Variants in CSRNP3 observed in about 807,000 individuals in gnomAD.
CSRNP3 encodes the protein cysteine and serine rich nuclear protein 3, also known as cysteine/serine-rich nuclear protein 3.
A neutral mutation model predicts 48.0 loss-of-function variants in CSRNP3; 12 were observed. The ratio of observed to expected loss-of-function variants is 0.25; its 90% CI spans 0.16 to 0.41. The LOEUF is 0.41. CSRNP3 is among the 10% of genes least tolerant of loss of function. CSRNP3 has a pLI of 1.00. For synonymous variants in CSRNP3, 263 were observed against 269.7 expected, an observed-to-expected ratio of 0.98 and a Z score of 0.24; for missense variants, 580 against 724.4, an observed-to-expected ratio of 0.80 and a Z score of 2.29.
intron 4 of CSRNP3, among the ~76,000 whole-genome samples, chr2:165,621,245 C>T (rs1206162507): frequency 1.3e-5 from 2 of 151,220 alleles, no homozygotes; most frequent in African/African-American, 4.9e-5. Context: ...TTTCTGCAGG[C>T]GTCCTACCAA....
At chr2:165,553,666 C>G (rs1294849623) in intron 3 of CSRNP3, among the ~76,000 whole-genome samples, 1 of 152,130 alleles carries the variant, frequency 6.6e-6, no homozygotes, top group Non-Finnish European at 1.5e-5. Context: ...CAGAATAGAA[C>G]TTCCATAGGC....
intron 4 of CSRNP3, among the ~76,000 whole-genome samples, chr2:165,653,253 TGTA>T (rs1407340769): frequency 6.6e-6 from 1 of 152,222 alleles, no homozygotes; most frequent in Non-Finnish European, 1.5e-5. Flanking sequence ...AGGCTGATCT[TGTA>T]GTATTTTGAA....
At chr2:165,553,125 C>T (rs1462352669) in intron 3 of CSRNP3, among the ~76,000 whole-genome samples, 3 of 152,028 alleles carry the variant, frequency 2.0e-5, no homozygotes, top group South Asian at 2.1e-4. Context: ...ATTTTTATGA[C>T]CAGTAACTGT....
At chr2:165,504,116 T>G (rs771655179) in intron 2 of CSRNP3, among the ~76,000 whole-genome samples, 18 of 152,160 alleles carry the variant, frequency 1.2e-4, no homozygotes, top group Non-Finnish European at 2.7e-4. Context: ...CTAATTAATC[T>G]GGCAATGTAT....
At chr2:165,645,692 G>T (rs1446140322) in intron 4 of CSRNP3, among the ~76,000 whole-genome samples, 1 of 152,060 alleles carries the variant, frequency 6.6e-6, no homozygotes, top group Non-Finnish European at 1.5e-5. Flanking sequence ...TCTCTTAGCT[G>T]CCCTTATGAC....
intron 3 of CSRNP3, among the ~76,000 whole-genome samples, chr2:165,579,658 A>G (rs1021465698): frequency 6.6e-6 from 1 of 152,204 alleles, no homozygotes; most frequent in African/African-American, 2.4e-5. Context: ...ACCTAATGAC[A>G]TAAAGGTGCT....
chr2:165,508,053 C>T (rs756844490), intron 2 of CSRNP3, among the ~76,000 whole-genome samples: 9 of 151,930 alleles, frequency 5.9e-5, no homozygotes, highest in Non-Finnish European at 1.2e-4. Context: ...GTTGAGCTAA[C>T]CAATTATGTA....
chr2:165,511,832 T>C (rs973492949), intron 2 of CSRNP3, among the ~76,000 whole-genome samples: 1 of 152,216 alleles, frequency 6.6e-6, no homozygotes, highest in Non-Finnish European at 1.5e-5. Flanking sequence ...CTTGTTTTCA[T>C]GTATCCTACA....
chr2:165,544,454 A>C (rs1002975535), intron 3 of CSRNP3, among the ~76,000 whole-genome samples: 1 of 152,096 alleles, frequency 6.6e-6, no homozygotes, highest in African/African-American at 2.4e-5. Flanking sequence ...GAGGGTTTTG[A>C]GAAGAGGATG....
At chr2:165,596,840 A>G (rs1010420113) in intron 4 of CSRNP3, among the ~76,000 whole-genome samples, 3 of 152,226 alleles carry the variant, frequency 2.0e-5, no homozygotes, top group African/African-American at 7.2e-5. Flanking sequence ...TACTAGGCAC[A>G]TGTTAAATTA....
At chr2:165,533,349 T>G (rs1684839903) in intron 3 of CSRNP3, among the ~76,000 whole-genome samples, 1 of 152,244 alleles carries the variant, frequency 6.6e-6, no homozygotes. Context: ...CCTAATCGTT[T>G]TCACCCTCCA....
intron 5 of CSRNP3, among the ~76,000 whole-genome samples, chr2:165,660,762 A>T (rs909195168): frequency 6.6e-6 from 1 of 152,200 alleles, no homozygotes; most frequent in African/African-American, 2.4e-5. Context: ...GATGTTGGAG[A>T]GGCAATCATC....
At chr2:165,642,139 C>CAG (rs1172807062) in intron 4 of CSRNP3, among the ~76,000 whole-genome samples, 2 of 146,770 alleles carry the variant, frequency 1.4e-5, no homozygotes, top group African/African-American at 5.2e-5. Context: ...CACACACACA[C>CAG]ACACACACGG....
chr2:165,622,306 T>C (rs1686353990), intron 4 of CSRNP3, among the ~76,000 whole-genome samples: 1 of 152,218 alleles, frequency 6.6e-6, no homozygotes, highest in Non-Finnish European at 1.5e-5. Context: ...TAGTTCTTGA[T>C]ATATACATTT....
intron 4 of CSRNP3, among the ~76,000 whole-genome samples, chr2:165,625,565 C>A (rs1467726306): frequency 6.6e-6 from 1 of 151,468 alleles, no homozygotes; most frequent in African/African-American, 2.4e-5. Context: ...ACCTGGGAGG[C>A]AGAGGTTGCA....
chr2:165,474,080 A>G (rs534358846), intron 1 of CSRNP3, among the ~76,000 whole-genome samples: 104 of 152,276 alleles, frequency 6.8e-4, no homozygotes, highest in Admixed American at 1.3e-3. Context: ...TTATTTTCCA[A>G]TACCACAAAG....
chr2:165,474,684 TTAGATA>T (rs1377597908), intron 1 of CSRNP3, among the ~76,000 whole-genome samples: 1 of 152,202 alleles, frequency 6.6e-6, no homozygotes, highest in Non-Finnish European at 1.5e-5. Context: ...GTATTAAATA[TTAGATA>T]TAGTGCATTA....
intron 2 of CSRNP3, among the ~76,000 whole-genome samples, chr2:165,515,357 C>A (rs1297487184): frequency 1.1e-4 from 14 of 129,442 alleles, no homozygotes; most frequent in Admixed American, 5.5e-4. Context: ...ATATATATAT[C>A]TGTAAATTTA....
chr2:165,631,350 G>C (rs938080601), intron 4 of CSRNP3, among the ~76,000 whole-genome samples: 1 of 152,212 alleles, frequency 6.6e-6, no homozygotes, highest in Non-Finnish European at 1.5e-5. Flanking sequence ...ACAGAGATGA[G>C]TGGTGCCAAT....
Sources: gnomAD v4.1 joint callset for allele counts (sites outside exome capture counted in the v4.1 genomes callset) on GRCh38, gnomAD v4.1.1 for gene constraint, MANE v1.5 for transcripts, NCBI Gene and HGNC (gene_info 2026-07-23, HGNC 2026-07-21) for gene names.